KAT6A: variants seen among roughly 807,000 people sequenced by gnomAD.
KAT6A encodes the protein histone acetyltransferase KAT6A.
A neutral mutation model predicts 198.4 loss-of-function variants in KAT6A; 9 were observed. The ratio of observed to expected loss-of-function variants is 0.05; its 90% CI spans 0.03 to 0.08. The LOEUF (loss-of-function observed/expected upper bound fraction) is 0.08, where lower values mean the gene tolerates loss of function less well. Ranked by LOEUF, KAT6A falls within the 10% of genes least tolerant of loss-of-function variation. KAT6A has a pLI of 1.00. For synonymous variants in KAT6A, 890 were observed against 883.0 expected (o/e 1.01, Z -0.14); for missense variants, 2,077 against 2,509.9 (o/e 0.83, Z 3.69).
At chr8:42,023,407 TTTTAA>T (rs1436822109) in intron 2 of KAT6A, among the ~76,000 whole-genome samples, 1 of 152,212 alleles carries the variant, frequency 6.6e-6, no homozygotes, top group Non-Finnish European at 1.5e-5. Flanking sequence ...ATTATAAACT[TTTTAA>T]TTTCTTTTAC....
intron 9 of KAT6A, among the ~76,000 whole-genome samples, chr8:41,950,670 G>C (rs1822623439): frequency 6.6e-6 from 1 of 152,096 alleles, no homozygotes; most frequent in South Asian, 2.1e-4. Flanking sequence ...AAAAATGATA[G>C]AGTAAAAAAC....
chr8:41,981,140 A>G (rs547817883), intron 4 of KAT6A, among the ~76,000 whole-genome samples: 16 of 152,292 alleles, frequency 1.1e-4, no homozygotes, highest in African/African-American at 3.6e-4. Context: ...CAACATGGTG[A>G]AACCCTGTCC....
intron 2 of KAT6A, among the ~76,000 whole-genome samples, chr8:41,991,728 C>G (rs1457987584): frequency 2.6e-5 from 4 of 151,956 alleles, no homozygotes; most frequent in African/African-American, 4.8e-5. Context: ...AGGAAACAGG[C>G]TGAAGATGGA....
chr8:41,994,735 G>A (rs1229493652), intron 2 of KAT6A, among the ~76,000 whole-genome samples: 1 of 151,962 alleles, frequency 6.6e-6, no homozygotes, highest in African/African-American at 2.4e-5. Flanking sequence ...ATTTTCACCT[G>A]TTTTTTAGGA....
At chr8:41,980,443 C>G (rs1824293396) in intron 5 of KAT6A, among the ~76,000 whole-genome samples, 1 of 151,966 alleles carries the variant, frequency 6.6e-6, no homozygotes, top group Non-Finnish European at 1.5e-5. Flanking sequence ...TAAACCATAT[C>G]TCTATAGCTC....
chr8:41,950,311 T>G (rs578162141), intron 9 of KAT6A, among the ~76,000 whole-genome samples: 1 of 152,326 alleles, frequency 6.6e-6, no homozygotes, highest in Admixed American at 6.5e-5. Flanking sequence ...AACTTCATCA[T>G]CTAATATGAG....
intron 2 of KAT6A, among the ~76,000 whole-genome samples, chr8:42,014,807 G>C (rs945292280): frequency 7.9e-5 from 12 of 152,162 alleles, no homozygotes; most frequent in Admixed American, 7.9e-4. Context: ...GTAGAAGCTG[G>C]AGCAGTATGT....
At chr8:41,951,628 A>T (rs565167685) in intron 9 of KAT6A, among the ~76,000 whole-genome samples, 10 of 152,270 alleles carry the variant, frequency 6.6e-5, no homozygotes, top group Non-Finnish European at 2.9e-5. Context: ...CTGGAAGTTG[A>T]TTCTAAAGTC....
In KAT6A at chr8:41,937,405, T is replaced by A. The variant is rs754655094; in HGVS notation, c.3203A>T (p.Asp1068Val). The part of the protein sequence containing the change: ...MPRLEPTFEI[D>V]EEEEEEDENE... ...TTCATCCTCTTCCTCCTCTTCTTCA[T>A]CGATCTCAAACGTGGGTTCTAATCT... The change falls in exon 16 of 17, where the codon GAT (aspartate) becomes GTT (valine). Residue 1068 changes from aspartate (D) to valine (V), a missense_variant. Around this residue, in one of 13 missense-constraint regions of KAT6A, gnomAD observed 375 missense variants for 383.0 expected, o/e 0.98. Coordinates refer to ENST00000265713, the MANE Select transcript of KAT6A (RefSeq NM_006766.5). 3 of 1,614,176 alleles carry A rather than the reference T, an allele frequency of 1.9e-6. No homozygotes were observed. Among genetic ancestry groups the A allele is most frequent in the South Asian group, 1.1e-5 (1 of 91,076 alleles).
chr8:41,939,798 T>G (rs563543784), intron 15 of KAT6A, among the ~76,000 whole-genome samples: 21 of 152,120 alleles, frequency 1.4e-4, no homozygotes, highest in Non-Finnish European at 2.8e-4. Context: ...GGTGGGATCC[T>G]GGAACAGAAA....
intron 3 of KAT6A, among the ~76,000 whole-genome samples, chr8:41,984,027 A>G (rs181354212): frequency 3.0e-4 from 46 of 152,270 alleles, no homozygotes; most frequent in Admixed American, 2.2e-3. Flanking sequence ...TAAAGCAGTT[A>G]TTTTCCCCCA....
At chr8:42,003,897 G>A (rs983521281) in intron 2 of KAT6A, among the ~76,000 whole-genome samples, 6 of 152,188 alleles carry the variant, frequency 3.9e-5, no homozygotes, top group African/African-American at 1.4e-4. Flanking sequence ...GCAAGACAAG[G>A]AGAGAGGATA....
intron 5 of KAT6A, among the ~76,000 whole-genome samples, chr8:41,980,192 T>A (rs908435584): frequency 6.6e-6 from 1 of 151,832 alleles, no homozygotes; most frequent in Non-Finnish European, 1.5e-5. Context: ...CTGGCTGAAG[T>A]TTTTTTTAAA....
At chr8:41,950,515 TCTTAA>T (rs1822613518) in intron 9 of KAT6A, among the ~76,000 whole-genome samples, 2 of 152,332 alleles carry the variant, frequency 1.3e-5, no homozygotes, top group South Asian at 4.1e-4. Flanking sequence ...CAGTGAGCAA[TCTTAA>T]CTTGTCACAG....
chr8:41,990,031 T>G (rs978434507), intron 2 of KAT6A, among the ~76,000 whole-genome samples: 1 of 151,584 alleles, frequency 6.6e-6, no homozygotes, highest in East Asian at 1.9e-4. Context: ...AAAGACTTTA[T>G]CCAGCAGTAA....
chr8:42,042,169 A>G (rs946388975), intron 2 of KAT6A, among the ~76,000 whole-genome samples: 10 of 152,220 alleles, frequency 6.6e-5, no homozygotes, highest in Non-Finnish European at 1.3e-4. Context: ...ACTTAAAAAC[A>G]TATCCCTGGC....
In KAT6A at chr8:41,971,893, C is replaced by T. The variant is rs1463632444; in HGVS notation, c.1482+2811G>A. ...CTGATGGACTGAATGTGAAGTATGA[C>T]AGAGAAAAAAAAAATCAAGATGACA... On this transcript the variant is annotated intron_variant, in intron 8 of 16. Coordinates refer to ENST00000265713, the MANE Select transcript of KAT6A (RefSeq NM_006766.5). Among the ~76,000 whole-genome samples, 4 of 147,554 alleles carry T rather than the reference C, an allele frequency of 2.7e-5. No individual in the cohort carries two copies. In the East Asian group the frequency reaches 8.4e-4, roughly 31 times the overall value.
intron 3 of KAT6A, among the ~76,000 whole-genome samples, chr8:41,982,785 G>A (rs1264307175): frequency 6.6e-6 from 1 of 152,118 alleles, no homozygotes; most frequent in African/African-American, 2.4e-5. Context: ...GTGGCATGTT[G>A]TTATAATTGT....
chr8:41,941,102 G>A lies in KAT6A; in HGVS notation c.2779C>T (p.Pro927Ser), dbSNP rs1207270525. The change falls in exon 15 of 17, where the codon CCA (proline) becomes TCA (serine). Residue 927 changes from proline (P) to serine (S), a missense_variant. Physicochemically the swap from Pro to Ser is moderately conservative, Grantham distance 74. Around this residue, in one of 13 missense-constraint regions of KAT6A, gnomAD observed 301 missense variants for 272.2 expected, o/e 1.11. Transcript: ENST00000265713. ...AGGTCAGGTTTCCCGTCCTGGCTTG[G>A]CTGCTCCTCAGAAGCCACCAGCTGT... Reference protein sequence around the residue: ...EEQLVASEEQPSQDGKPDLPK... With the variant: ...EEQLVASEEQSSQDGKPDLPK... The A allele has an allele frequency of 6.2e-7, 1 of 1,614,188 alleles. No individual in the cohort carries two copies.
Sources: gnomAD v4.1 joint callset for allele counts (sites outside exome capture counted in the v4.1 genomes callset) on GRCh38, gnomAD v4.1.1 for gene constraint, gnomAD v4.1.1 regional missense constraint, MANE v1.5 for transcripts, NCBI Gene and HGNC (gene_info 2026-07-23, HGNC 2026-07-21) for gene names.